The following SLIT3 variants were observed in gnomAD, a reference collection of about 807,000 sequenced individuals.
SLIT3 encodes the protein slit homolog 3 protein.
Under a neutral mutation model 184.0 loss-of-function variants are expected in SLIT3, and 68 were observed. The ratio of observed to expected loss-of-function variants is 0.37; its 90% CI spans 0.30 to 0.45. The LOEUF (loss-of-function observed/expected upper bound fraction) is 0.45. Ranked by LOEUF, SLIT3 falls within the 20% of genes least tolerant of loss-of-function variation. SLIT3 has a pLI of 1.00. For missense variants in SLIT3, 1,707 were observed against 2,026.0 expected (o/e 0.84, Z 3.02); for synonymous variants, 831 against 828.6 (o/e 1.00, Z -0.05).
chr5:168,684,881 A>G (rs567159880), intron 31 of SLIT3, among the ~76,000 whole-genome samples: 3 of 152,306 alleles, frequency 2.0e-5, no homozygotes, highest in Non-Finnish European at 4.4e-5. Flanking sequence ...TCCAGTGTCT[A>G]GACTTTACCC....
intron 4 of SLIT3, among the ~76,000 whole-genome samples, chr5:169,011,089 A>G (rs1756124569): frequency 1.3e-5 from 2 of 152,144 alleles, no homozygotes; most frequent in South Asian, 4.1e-4. Context: ...CTAAGTCTAT[A>G]AGGGCCGAAG....
intron 4 of SLIT3, among the ~76,000 whole-genome samples, chr5:169,107,203 T>C (rs1355379293): frequency 6.6e-6 from 1 of 152,240 alleles, no homozygotes; most frequent in Non-Finnish European, 1.5e-5. Flanking sequence ...AGTGAGGCTG[T>C]CTGTCTCCCT....
chr5:168,874,155 ACTT>A (rs1169330660), intron 5 of SLIT3, among the ~76,000 whole-genome samples: 2 of 144,336 alleles, frequency 1.4e-5, no homozygotes, highest in African/African-American at 5.6e-5. Flanking sequence ...GGGGTTAAAT[ACTT>A]GTAATGAGTT....
At position 169,217,624 on chromosome 5, in the gene SLIT3, T is replaced by A. The variant is rs115445496; in HGVS notation, c.342-24074A>T. ...AGTTCCTGGAAGTCAGGGGCATTTATCTCCTGGGTTCTTTACTGCACGCTC... is the reference window on the plus strand; with the variant it reads ...AGTTCCTGGAAGTCAGGGGCATTTAACTCCTGGGTTCTTTACTGCACGCTC... On this transcript the variant is annotated intron_variant, in intron 3 of 35. Transcript: ENST00000519560. Among the ~76,000 whole-genome samples the A allele has an allele frequency of 8.8e-3, 1,333 of 152,300 alleles. 27 individuals are homozygous for A. Among genetic ancestry groups the A allele is most frequent in the African/African-American group, 0.03 (1,267 of 41,572 alleles).
chr5:168,813,447 C>G (rs532154566), intron 8 of SLIT3, among the ~76,000 whole-genome samples: 1 of 152,282 alleles, frequency 6.6e-6, no homozygotes, highest in Admixed American at 6.5e-5. Context: ...GCCGTAGGGC[C>G]TTAACCTTCC....
intron 9 of SLIT3, among the ~76,000 whole-genome samples, chr5:168,797,097 G>A (rs1561938184): frequency 6.6e-6 from 1 of 152,082 alleles, no homozygotes; most frequent in African/African-American, 2.4e-5. Flanking sequence ...ACAGTCACAG[G>A]CCTGGCTAGC....
intron 14 of SLIT3, among the ~76,000 whole-genome samples, chr5:168,771,875 G>A (rs1014102860): frequency 6.6e-6 from 1 of 152,190 alleles, no homozygotes; most frequent in Non-Finnish European, 1.5e-5. Flanking sequence ...TCCTGGGCAA[G>A]GGGAGAAGCA....
At chr5:169,015,773 A>C in intron 4 of SLIT3, among the ~76,000 whole-genome samples, 1 of 151,898 alleles carries the variant, frequency 6.6e-6, no homozygotes, top group Admixed American at 6.6e-5. Flanking sequence ...CAGCAAAAAC[A>C]AAAACCAAAA....
Position 169,244,755 on chromosome 5 carries a change from G to A in SLIT3, c.291C>T (p.Val97=). 1 of 1,613,948 alleles carries A rather than the reference G, an allele frequency of 6.2e-7. No individual in the cohort carries two copies. The highest frequency in any genetic ancestry group is 1.1e-5 in the South Asian group (1 of 91,076). The change falls in exon 3 of 36, where the codon GTC becomes GTT. Residue 97 remains valine (V), a synonymous_variant. Coordinates refer to ENST00000519560, the MANE Select transcript of SLIT3 (RefSeq NM_003062.4). ...GGAAGGCGCCTCTCTCGATGACGCT[G>A]ACCTGGTTGTCTTCCAGATGCCTAC... is the stretch of plus-strand genomic sequence containing the variant. The part of the protein sequence containing the change: ...LRVLHLEDNQ[V]SVIERGAFQD...
At position 169,147,276 on chromosome 5, in the gene SLIT3, A is replaced by T. The variant is rs543626888; in HGVS notation, c.413+46203T>A. Among the ~76,000 whole-genome samples the T allele has an allele frequency of 3.0e-4, 46 of 152,304 alleles. No homozygotes were observed. In the East Asian group the frequency reaches 5.6e-3, roughly 19 times the overall value. ...TAAATCCATCTTTTAAAATATTTTT[A>T]AAAATTTTTGGAGATGGAGTCTCAC... On this transcript the variant is annotated intron_variant, in intron 4 of 35. Transcript: ENST00000519560.
rs188457933 is a variant in SLIT3 at position 168,849,224 on chromosome 5, C to G, written c.486-4569G>C. ...GGTCTGCACATCAGGGGATACCCATCCAGTTGTTCATTCCTCATCCAGATG... is the reference window on the plus strand; with the variant it reads ...GGTCTGCACATCAGGGGATACCCATGCAGTTGTTCATTCCTCATCCAGATG... On this transcript the variant is annotated intron_variant, in intron 5 of 35. Transcript: ENST00000519560. 1.2e-4 allele frequency among the ~76,000 whole-genome samples: 19 copies of G among 152,292 alleles called. No homozygotes were observed. The East Asian group carries it at 3.7e-3, about 29-fold the overall frequency.
intron 8 of SLIT3, among the ~76,000 whole-genome samples, chr5:168,812,969 G>A (rs997702441): frequency 5.3e-5 from 8 of 152,036 alleles, no homozygotes; most frequent in African/African-American, 1.9e-4. Flanking sequence ...AATAAATGAA[G>A]TGCTTATTGA....
intron 6 of SLIT3, among the ~76,000 whole-genome samples, chr5:168,825,603 G>T (rs187107202): frequency 3.7e-4 from 57 of 152,298 alleles, no homozygotes; most frequent in African/African-American, 1.4e-3. Context: ...CAGGTATTTG[G>T]CATTTTATGA....
At chr5:169,174,229 A>G (rs1762899875) in intron 4 of SLIT3, among the ~76,000 whole-genome samples, 1 of 152,022 alleles carries the variant, frequency 6.6e-6, no homozygotes, top group Non-Finnish European at 1.5e-5. Flanking sequence ...TTGTTGGTTC[A>G]TTTTCCCTTA....
At chr5:169,228,354 A>G (rs909249824) in intron 3 of SLIT3, among the ~76,000 whole-genome samples, 1 of 152,148 alleles carries the variant, frequency 6.6e-6, no homozygotes, top group South Asian at 2.1e-4. Context: ...TTCTAAAGTC[A>G]CCAAAGCAGG....
intron 4 of SLIT3, among the ~76,000 whole-genome samples, chr5:169,109,762 T>C (rs2113255147): frequency 6.6e-6 from 1 of 152,296 alleles, no homozygotes; most frequent in African/African-American, 2.4e-5. Flanking sequence ...TTCTCTATAA[T>C]ACTTTTGATG....
chr5:168,722,425 T>C, intron 22 of SLIT3, 98 bp from the exon 23 acceptor site: 1 of 1,054,422 alleles, frequency 9.5e-7, no homozygotes, highest in Non-Finnish European at 1.4e-6. Context: ...TGGTTTATCT[T>C]TTCAATGTTG....
At chr5:169,122,139 A>G (rs1760903040) in intron 4 of SLIT3, among the ~76,000 whole-genome samples, 1 of 151,908 alleles carries the variant, frequency 6.6e-6, no homozygotes, top group African/African-American at 2.4e-5. Context: ...ACTAGGGCCT[A>G]TGTTTAGGTG....
At chr5:169,263,155 G>A (rs1766256783) in intron 1 of SLIT3, among the ~76,000 whole-genome samples, 1 of 152,002 alleles carries the variant, frequency 6.6e-6, no homozygotes, top group Non-Finnish European at 1.5e-5. Context: ...GACCAGCCTG[G>A]GCAACATAGC....
Sources: gnomAD v4.1 joint callset for allele counts (sites outside exome capture counted in the v4.1 genomes callset) on GRCh38, gnomAD v4.1.1 for gene constraint, MANE v1.5 for transcripts, NCBI Gene and HGNC (gene_info 2026-07-23, HGNC 2026-07-21) for gene names.